The following PAK5 variants were observed in gnomAD, a reference collection of about 807,000 sequenced individuals.
PAK5 encodes p21 (RAC1) activated kinase 5.
In PAK5, 16 loss-of-function variants were observed where a neutral mutation model predicts 65.9. The observed-to-expected ratio is 0.24, with a 90% CI of 0.16 to 0.37. The LOEUF is 0.37. Among genes scored for constraint, PAK5 ranks in the 10% least tolerant of loss-of-function variants. PAK5 has a pLI of 1.00. For synonymous variants in PAK5, 371 were observed against 354.9 expected (o/e 1.05, Z -0.51); for missense variants, 785 against 903.9 (o/e 0.87, Z 1.69).
intron 1 of PAK5, among the ~76,000 whole-genome samples, chr20:9,715,696 C>T (rs991315908): frequency 1.3e-5 from 2 of 151,946 alleles, no homozygotes; most frequent in Non-Finnish European, 2.9e-5. Flanking sequence ...CACATATACA[C>T]CATGGAATAC....
At chr20:9,719,257 T>C (rs546449299) in intron 1 of PAK5, among the ~76,000 whole-genome samples, 7 of 152,360 alleles carry the variant, frequency 4.6e-5, no homozygotes, top group African/African-American at 1.7e-4. Context: ...AAATTATTTA[T>C]GCATTTGTCC....
At chr20:9,758,143 A>G (rs1046467058) in intron 1 of PAK5, among the ~76,000 whole-genome samples, 75 of 152,282 alleles carry the variant, frequency 4.9e-4, no homozygotes, top group African/African-American at 1.8e-3. Flanking sequence ...CTGGGGCAAC[A>G]AAGAATTGTG....
At chr20:9,700,229 T>C (rs1367514528) in intron 2 of PAK5, among the ~76,000 whole-genome samples, 1 of 152,030 alleles carries the variant, frequency 6.6e-6, no homozygotes, top group Non-Finnish European at 1.5e-5. Flanking sequence ...CTGGACAACA[T>C]AGTGAGAACT....
At chr20:9,813,828 C>T (rs1045656595) in intron 1 of PAK5, among the ~76,000 whole-genome samples, 1 of 152,286 alleles carries the variant, frequency 6.6e-6, no homozygotes, top group Non-Finnish European at 1.5e-5. Context: ...GAAGGAAATC[C>T]AGCAAGGGCT....
intron 5 of PAK5, among the ~76,000 whole-genome samples, chr20:9,565,595 G>A (rs188391922): frequency 6.6e-6 from 1 of 152,174 alleles, no homozygotes; most frequent in African/African-American, 2.4e-5. Flanking sequence ...CTCTTAACCT[G>A]AGTCCAGGTT....
intron 3 of PAK5, among the ~76,000 whole-genome samples, chr20:9,587,386 A>C (rs1370994556): frequency 1.3e-5 from 2 of 152,202 alleles, no homozygotes; most frequent in Non-Finnish European, 2.9e-5. Context: ...TCTGAGATCT[A>C]AAAAGCGGAA....
intron 1 of PAK5, among the ~76,000 whole-genome samples, chr20:9,747,483 C>T (rs932139261): frequency 7.9e-5 from 12 of 151,314 alleles, no homozygotes; most frequent in African/African-American, 2.9e-4. Context: ...AAAGCTTATC[C>T]ACCACGATCA....
intron 2 of PAK5, among the ~76,000 whole-genome samples, chr20:9,690,844 C>T (rs2123431882): frequency 6.7e-6 from 1 of 148,334 alleles, no homozygotes. Context: ...ACCTCCTCTT[C>T]CCGGGCTCAA....
intron 1 of PAK5, among the ~76,000 whole-genome samples, chr20:9,772,421 A>C (rs6087015): frequency 0.8 from 121,537 of 152,172 alleles, 48,887 homozygotes; most frequent in African/African-American, 0.91. Context: ...GAGTCTCTAG[A>C]CCATCCCTGT....
At chr20:9,550,698 G>C (rs2045413195) in intron 7 of PAK5, among the ~76,000 whole-genome samples, 1 of 151,756 alleles carries the variant, frequency 6.6e-6, no homozygotes, top group South Asian at 2.1e-4. Context: ...AGAAGTCTGG[G>C]TTAGTTTTAG....
intron 1 of PAK5, among the ~76,000 whole-genome samples, chr20:9,770,251 C>T (rs973136256): frequency 5.3e-5 from 8 of 151,966 alleles, no homozygotes; most frequent in East Asian, 3.9e-4. Flanking sequence ...AGAACATGAG[C>T]GCAGATGAGT....
chr20:9,781,441 G>T (rs933337626), intron 1 of PAK5, among the ~76,000 whole-genome samples: 1 of 152,146 alleles, frequency 6.6e-6, no homozygotes, highest in Non-Finnish European at 1.5e-5. Flanking sequence ...AAGATAAGAA[G>T]ATATCACACA....
chr20:9,590,969 G>T (rs2096641555), intron 3 of PAK5, among the ~76,000 whole-genome samples: 1 of 152,140 alleles, frequency 6.6e-6, no homozygotes, highest in African/African-American at 2.4e-5. Flanking sequence ...CCTCCCTCAT[G>T]CCCTGTCCTC....
At chr20:9,583,814 A>C (rs1350573562) in intron 3 of PAK5, among the ~76,000 whole-genome samples, 1 of 152,138 alleles carries the variant, frequency 6.6e-6, no homozygotes, top group Non-Finnish European at 1.5e-5. Context: ...GATATCACTG[A>C]TCTGTTTTCT....
intron 2 of PAK5, among the ~76,000 whole-genome samples, chr20:9,665,736 C>T (rs1479079807): frequency 6.6e-6 from 1 of 151,826 alleles, no homozygotes; most frequent in Non-Finnish European, 1.5e-5. Context: ...TCAAGCAATC[C>T]TCCTACCTTG....
At chr20:9,603,877 T>C (rs2046403843) in intron 3 of PAK5, among the ~76,000 whole-genome samples, 1 of 152,178 alleles carries the variant, frequency 6.6e-6, no homozygotes, top group Admixed American at 6.5e-5. Flanking sequence ...GCCGTCTAGC[T>C]ACAGAACCCA....
At chr20:9,748,900 T>C (rs904544396) in intron 1 of PAK5, among the ~76,000 whole-genome samples, 2 of 152,188 alleles carry the variant, frequency 1.3e-5, no homozygotes, top group Non-Finnish European at 1.5e-5. Context: ...GGCTGCCATG[T>C]TGAACAGCAC....
intron 1 of PAK5, among the ~76,000 whole-genome samples, chr20:9,794,121 G>A (rs2049079356): frequency 1.4e-5 from 2 of 143,442 alleles, no homozygotes; most frequent in Admixed American, 1.5e-4. Flanking sequence ...AGTGGGAGTT[G>A]AACAATGAGA....
chr20:9,702,074 C>T (rs1156443723), intron 2 of PAK5, among the ~76,000 whole-genome samples: 1 of 152,146 alleles, frequency 6.6e-6, no homozygotes, highest in African/African-American at 2.4e-5. Context: ...CTTCCCTCCA[C>T]CTTTGCCCTC....
Sources: allele counts gnomAD v4.1 joint callset (sites outside exome capture counted in the v4.1 genomes callset), GRCh38; gene constraint gnomAD v4.1.1; transcripts MANE v1.5; gene names NCBI Gene and HGNC (gene_info 2026-07-23, HGNC 2026-07-21).